OR1I1: variants seen among roughly 807,000 people sequenced by gnomAD.
The protein encoded by OR1I1 is olfactory receptor family 1 subfamily I member 1.
For synonymous variants in OR1I1, 171 were observed against 181.4 expected (o/e 0.94, Z 0.46); for missense variants, 451 against 443.6 (o/e 1.02, Z -0.15).
At position 15,090,554 on chromosome 19, in the gene OR1I1, ATTGT is replaced by A. The variant is rs2046252547; in HGVS notation, c.*2424_*2427del. 1 of 151,980 alleles carries A rather than the reference ATTGT, an allele frequency of 6.6e-6. No homozygotes were observed. The allele number at this position is 151,980 out of a possible 1,614,324, so 9.4% of individuals were successfully genotyped here. On this transcript the variant is annotated 3_prime_UTR_variant, in exon 2 of 2. Transcript: ENST00000641398. Reference sequence around the variant, plus strand: ...CAGAACTGTAAGACAACAAATTTCTATTGTTTAAGTCACCTAGTTCATGGTAATT... The same window carrying A: ...CAGAACTGTAAGACAACAAATTTCTATTAAGTCACCTAGTTCATGGTAATT...
At chr19:15,083,731 G>A (rs991989570) in intron 1 of OR1I1, among the ~76,000 whole-genome samples, 7 of 152,150 alleles carry the variant, frequency 4.6e-5, no homozygotes, top group African/African-American at 1.7e-4. Context: ...TGTAATCTCA[G>A]TACTTTGGGA....
Position 15,087,922 on chromosome 19 carries a change from A to T in OR1I1, c.857A>T (p.Asn286Ile), listed in dbSNP as rs2046238235. ...LMCGVFIPML[N>I]PFIYSIRNKD... ...TGTGGGGTGTTCATCCCCATGCTCA[A>T]CCCCTTTATCTACAGCATACGGAAC... Residue 286 changes from asparagine (N) to isoleucine (I), a missense_variant, in exon 2 of 2, where the codon AAC becomes ATC. Transcript: ENST00000641398. 6.2e-7 allele frequency: 1 copy of T among 1,613,832 alleles called. No homozygotes were observed. Among genetic ancestry groups the T allele is most frequent in the Non-Finnish European group, 8.5e-7 (1 of 1,179,892 alleles).
At chr19:15,086,009 G>A (rs1417743787) in intron 1 of OR1I1, among the ~76,000 whole-genome samples, 1 of 152,092 alleles carries the variant, frequency 6.6e-6, no homozygotes, top group African/African-American at 2.4e-5. Context: ...AGGGTTGAGG[G>A]GGGAGGAAAG....
rs2046242372 is a variant in OR1I1, at chr19:15,088,723, G to A, written c.*590G>A. The stretch of plus-strand genomic sequence containing the variant: ...AGATAGATAGATAGACAGACAGATA[G>A]ATAGAGAGGATAAGATAAGATAGGT... On this transcript the variant is annotated 3_prime_UTR_variant, in exon 2 of 2. Coordinates refer to ENST00000641398, the MANE Select transcript of OR1I1 (RefSeq NM_001004713.2). The A allele has an allele frequency of 6.7e-6, 1 of 149,886 alleles. No homozygotes were observed. The highest frequency in any genetic ancestry group is 2.1e-4 in the South Asian group (1 of 4,692). 9.3% of individuals were successfully genotyped at this position (149,886 alleles called of 1,614,324 possible). A position where few individuals can be genotyped will look rare whatever the true frequency, so the allele number is the denominator to read the frequency against.
In OR1I1 at chr19:15,086,790, A is replaced by G. The variant is rs1031612041; in HGVS notation, c.-13-263A>G. 5.3e-5 allele frequency among the ~76,000 whole-genome samples: 8 copies of G among 151,994 alleles called. No individual in the cohort carries two copies. The East Asian group carries it at 1.5e-3, about 29-fold the overall frequency. ...GCTTTGCTCCACTGAAGGAAGCAAA[A>G]GTGTTTATAGAGAACATCCAAGTTG... On this transcript the variant is annotated intron_variant, in intron 1 of 1. Transcript: ENST00000641398.
intron 1 of OR1I1, among the ~76,000 whole-genome samples, chr19:15,085,003 T>A (rs2046222457): frequency 6.6e-6 from 1 of 150,952 alleles, no homozygotes; most frequent in South Asian, 2.1e-4. Flanking sequence ...TAAATTAAAT[T>A]AAATAGATCT....
Position 15,088,067 on chromosome 19 carries a change from A to T in OR1I1, c.1002A>T (p.Thr334=). The T allele has an allele frequency of 6.3e-7, 1 of 1,590,512 alleles. No homozygotes were observed. Among genetic ancestry groups the T allele is most frequent in the Non-Finnish European group, 8.6e-7 (1 of 1,164,272 alleles). ...VPGSLLAARD[T]EMHPIPYPGG... ...GATCACTGTTGGCTGCTAGGGACAC[A>T]GAGATGCATCCCATCCCCTACCCTG... Residue 334 remains threonine (T), a synonymous_variant, in exon 2 of 2, where the codon ACA becomes ACT. Transcript: ENST00000641398.
rs773020832 is a variant in OR1I1, at chr19:15,087,992, C to T, written c.927C>T (p.Ala309=). ...AALGKLIGKV[A]VPCPRPEQLL... is the part of the protein sequence containing the mutation. ...TGGGGAAGCTCATCGGCAAAGTGGCCGTCCCCTGTCCTAGGCCAGAACAGT... is the reference window on the plus strand; with the variant it reads ...TGGGGAAGCTCATCGGCAAAGTGGCTGTCCCCTGTCCTAGGCCAGAACAGT... The change falls in exon 2 of 2, where the codon GCC becomes GCT. Residue 309 remains alanine, a synonymous_variant. Coordinates refer to ENST00000641398, the MANE Select transcript of OR1I1 (RefSeq NM_001004713.2). The T allele has an allele frequency of 4.6e-5, 74 of 1,613,970 alleles. No individual in the cohort carries two copies. The highest frequency in any genetic ancestry group is 6.0e-5 in the Non-Finnish European group (71 of 1,180,006).
chr19:15,092,087 C>CTTTTTTTTTTTT lies in OR1I1; in HGVS notation c.*3966_*3977dup, dbSNP rs537423650. 4.7e-4 allele frequency: 23 copies of CTTTTTTTTTTTT among 49,010 alleles called. 3 individuals carry two copies. Among genetic ancestry groups the CTTTTTTTTTTTT allele is most frequent in the African/African-American group, 2.0e-3 (21 of 10,738 alleles). The allele number at this position is 49,010 out of a possible 1,614,324, so 3.0% of individuals were successfully genotyped here. ...CATTTCACAAATTGGATTTAAAACG[C>CTTTTTTTTTTTT]TTTTTTTTTTTTTTTTTTTTTTTGG... is the stretch of plus-strand genomic sequence containing the variant. On this transcript the variant is annotated 3_prime_UTR_variant, in exon 2 of 2. Transcript: ENST00000641398.
intron 1 of OR1I1, among the ~76,000 whole-genome samples, chr19:15,083,168 T>C (rs1245482375): frequency 6.6e-6 from 1 of 151,944 alleles, no homozygotes; most frequent in East Asian, 1.9e-4. Context: ...CTCTAACTCC[T>C]GGACTCAAGG....
chr19:15,088,182 T>A lies in OR1I1; in HGVS notation c.*49T>A. 1 of 1,491,876 alleles carries A rather than the reference T, an allele frequency of 6.7e-7. No homozygotes were observed. Among genetic ancestry groups the A allele is most frequent in the South Asian group, 1.4e-5 (1 of 73,780 alleles). The allele number at this position is 1,491,876 out of a possible 1,614,324, so 92.4% of individuals were successfully genotyped here. A position where few individuals can be genotyped will look rare whatever the true frequency, so the allele number is the denominator to read the frequency against. ...ATGTGTCATAAAGAGATGAACAAAG[T>A]GTATGAGCACCCAAAGGAAAGGTGT... On this transcript the variant is annotated 3_prime_UTR_variant, in exon 2 of 2. Coordinates refer to ENST00000641398, the MANE Select transcript of OR1I1 (RefSeq NM_001004713.2).
At position 15,085,153 on chromosome 19, in the gene OR1I1, TATATATATATATATA is replaced by T. The variant is rs1186626472; in HGVS notation, c.-13-1899_-13-1885del. 4.1e-3 allele frequency among the ~76,000 whole-genome samples: 222 copies of T among 54,088 alleles called. 16 individuals carry two copies. The highest frequency in any genetic ancestry group is 0.014 in the African/African-American group (216 of 15,348). 35.5% of individuals were successfully genotyped at this position (54,088 alleles called of 152,430 possible). ...ACTTATATATATATATATATATATATATATATATATATATATATATATATTTTTTTTTTTGAGACA... is the reference window on the plus strand; with the variant it reads ...ACTTATATATATATATATATATATATTATATATATTTTTTTTTTTGAGACA... On this transcript the variant is annotated intron_variant, in intron 1 of 1. Coordinates refer to ENST00000641398, the MANE Select transcript of OR1I1 (RefSeq NM_001004713.2).
rs367766481 is a variant in OR1I1, at chr19:15,087,827, C to A, written c.762C>A (p.Thr254=). 16 of 1,614,192 alleles carry A rather than the reference C, an allele frequency of 9.9e-6. No homozygotes were observed. In the African/African-American group the frequency reaches 2.1e-4, roughly 22 times the overall value. ...HLTVVSLSYG[T]IFAVYLQPTS... ...CTGTGGTGTCACTGTCCTATGGGAC[C>A]ATCTTTGCTGTGTACTTACAGCCCA... The change falls in exon 2 of 2, where the codon ACC becomes ACA. Residue 254 remains threonine (T), a synonymous_variant. Transcript: ENST00000641398.
In OR1I1 at chr19:15,087,660, A is replaced by T; in HGVS notation, c.595A>T (p.Ile199Phe). The part of the protein sequence containing the change: ...GSDTHTNELV[I>F]FAFGIVVGTS... ...AGACACGCACACCAACGAGCTGGTG[A>T]TCTTTGCTTTTGGCATTGTCGTGGG... Residue 199 changes from isoleucine (I) to phenylalanine (F), a missense_variant, in exon 2 of 2, where the codon ATC (isoleucine) becomes TTC (phenylalanine). Transcript: ENST00000641398. 1 of 1,614,126 alleles carries T rather than the reference A, an allele frequency of 6.2e-7. No individual in the cohort carries two copies.
Position 15,088,150 on chromosome 19 carries a change from G to A in OR1I1, c.*17G>A, listed in dbSNP as rs963032056. The A allele has an allele frequency of 1.6e-5, 25 of 1,530,504 alleles. No individual in the cohort carries two copies. The East Asian group carries it at 2.7e-4, about 17-fold the overall frequency. 94.8% of individuals were successfully genotyped at this position (1,530,504 alleles called of 1,614,324 possible). ...ATGGAATAAATCCTTCCAGTACAAC[G>A]TGATAAATGTGTCATAAAGAGATGA... is the stretch of plus-strand genomic sequence containing the variant. On this transcript the variant is annotated 3_prime_UTR_variant, in exon 2 of 2. Transcript: ENST00000641398.
Position 15,087,193 on chromosome 19 carries a change from C to T in OR1I1, c.128C>T (p.Ala43Val), listed in dbSNP as rs139238368. The T allele has an allele frequency of 2.5e-6, 4 of 1,604,288 alleles. No homozygotes were observed. Among genetic ancestry groups the T allele is most frequent in the Non-Finnish European group, 2.6e-6 (3 of 1,171,408 alleles). Residue 43 changes from alanine (A) to valine (V), a missense_variant, in exon 2 of 2, where the codon GCC becomes GTC. Coordinates refer to ENST00000641398, the MANE Select transcript of OR1I1 (RefSeq NM_001004713.2). ...STYLVTIIGN[A>V]LIILAIITDS... is the part of the protein sequence containing the mutation. Reference sequence around the variant, plus strand: ...TACCTGGTCACCATCATTGGAAATGCCCTCATTATCCTGGCCATCATCACG... The same window carrying T: ...TACCTGGTCACCATCATTGGAAATGTCCTCATTATCCTGGCCATCATCACG...
In OR1I1 at chr19:15,087,231, C is replaced by T; in HGVS notation, c.166C>T (p.His56Tyr). Residue 56 changes from histidine to tyrosine, a missense_variant, in exon 2 of 2, where the codon CAC (histidine) becomes TAC (tyrosine). Transcript: ENST00000641398. ...ILAIITDSHL[H>Y]TPMYFFLFNL... ...GGCCATCATCACGGACTCTCACCTC[C>T]ACACACCCATGTACTTCTTTCTCTT... The T allele has an allele frequency of 1.2e-6, 2 of 1,614,110 alleles. No individual in the cohort carries two copies.
intron 1 of OR1I1, among the ~76,000 whole-genome samples, chr19:15,085,158 A>ATTTTT (rs1568321856): frequency 2.8e-5 from 1 of 36,236 alleles, no homozygotes; most frequent in African/African-American, 2.1e-4. Flanking sequence ...ATATATATAT[A>ATTTTT]TATATATATA....
In OR1I1 at chr19:15,092,138, C is replaced by CCT. The variant is rs1459817621; in HGVS notation, c.*4005_*4006insCT. The CCT allele has an allele frequency of 1.1e-5, 1 of 90,578 alleles. No homozygotes were observed. Among genetic ancestry groups the CCT allele is most frequent in the Non-Finnish European group, 1.9e-5 (1 of 52,022 alleles). 5.6% of individuals were successfully genotyped at this position (90,578 alleles called of 1,614,324 possible). A position where few individuals can be genotyped will look rare whatever the true frequency, so the allele number is the denominator to read the frequency against. ...TTTTTGGTTGTTTTTTTTTTTTCCC[C>CCT]GGAAACTTGTATTCTAGCTGTGAAC... On this transcript the variant is annotated 3_prime_UTR_variant, in exon 2 of 2. Coordinates refer to ENST00000641398, the MANE Select transcript of OR1I1 (RefSeq NM_001004713.2).
Sources: allele counts gnomAD v4.1 joint callset (sites outside exome capture counted in the v4.1 genomes callset), GRCh38; gene constraint gnomAD v4.1.1; transcripts MANE v1.5; gene names NCBI Gene and HGNC (gene_info 2026-07-23, HGNC 2026-07-21).